The following PPP6R3 variants were observed in gnomAD, a reference collection of about 807,000 sequenced individuals.
PPP6R3 encodes the protein protein phosphatase 6 regulatory subunit 3, also known as serine/threonine-protein phosphatase 6 regulatory subunit 3.
PPP6R3 carries 38 observed loss-of-function variants against 110.7 expected under a neutral mutation model. The ratio of observed to expected loss-of-function variants is 0.34; its 90% CI spans 0.26 to 0.45. PPP6R3 has a LOEUF of 0.45. Among genes scored for constraint, PPP6R3 ranks in the 20% least tolerant of loss-of-function variants. The pLI, the probability that PPP6R3 is intolerant of heterozygous loss-of-function variation, is 1.00. For missense variants in PPP6R3, 870 were observed against 1,062.4 expected (o/e 0.82, Z 2.52); for synonymous variants, 369 against 373.5 (o/e 0.99, Z 0.14).
At chr11:68,521,876 C>T (rs2099165917) in intron 2 of PPP6R3, among the ~76,000 whole-genome samples, 1 of 152,168 alleles carries the variant, frequency 6.6e-6, no homozygotes, top group Admixed American at 6.5e-5. Flanking sequence ...GATAATATTT[C>T]ACCTAATTGG....
chr11:68,533,861 G>A (rs1164897671), intron 2 of PPP6R3, among the ~76,000 whole-genome samples: 1 of 152,078 alleles, frequency 6.6e-6, no homozygotes, highest in African/African-American at 2.4e-5. Flanking sequence ...TCATCAGTTA[G>A]GCCACGCTGC....
At chr11:68,467,531 A>G (rs2098757009) in intron 1 of PPP6R3, among the ~76,000 whole-genome samples, 1 of 152,202 alleles carries the variant, frequency 6.6e-6, no homozygotes, top group African/African-American at 2.4e-5. Context: ...TCTGAACAAA[A>G]ATTCTGGTGG....
chr11:68,489,909 T>A (rs1277808541), intron 1 of PPP6R3, among the ~76,000 whole-genome samples: 1 of 152,194 alleles, frequency 6.6e-6, no homozygotes, highest in East Asian at 1.9e-4. Flanking sequence ...CCTTCCTGTC[T>A]CATTGTTGCC....
At chr11:68,513,284 T>A (rs1453685790) in intron 1 of PPP6R3, among the ~76,000 whole-genome samples, 1 of 152,158 alleles carries the variant, frequency 6.6e-6, no homozygotes, top group Non-Finnish European at 1.5e-5. Context: ...TCTGTCTTGC[T>A]GGAGAAGCTT....
At chr11:68,587,188 C>CCT (rs1309793059) in intron 15 of PPP6R3, 2 of 145,656 alleles carry the variant, frequency 1.4e-5, no homozygotes, top group African/African-American at 5.0e-5. Flanking sequence ...CCCCCCCCCC[C>CCT]ACATTTTCAA....
At chr11:68,574,086 A>T in intron 12 of PPP6R3, 23 bp from the exon 13 acceptor site, 2 of 1,533,058 alleles carry the variant, frequency 1.3e-6, no homozygotes, top group Non-Finnish European at 1.8e-6. Context: ...GAATCTGAGT[A>T]TTTGTCCTTT....
chr11:68,613,739 T>G lies in PPP6R3; in HGVS notation c.*622T>G, dbSNP rs1393268127. 2.1e-6 allele frequency: 2 copies of G among 964,516 alleles called. No individual in the cohort carries two copies. The highest frequency in any genetic ancestry group is 2.4e-6 in the Non-Finnish European group (2 of 821,590). 59.7% of individuals were successfully genotyped at this position (964,516 alleles called of 1,614,324 possible). A position where few individuals can be genotyped will look rare whatever the true frequency, so the allele number is the denominator to read the frequency against. ...AAAACGGATCAAAAATGTAAGTCTA[T>G]TGGTAGAGATTAAGTAAAGTATTTA... On this transcript the variant is annotated 3_prime_UTR_variant, in exon 24 of 24. Transcript: ENST00000393800.
chr11:68,590,262 A>G (rs1042700652), intron 16 of PPP6R3, among the ~76,000 whole-genome samples: 3 of 152,240 alleles, frequency 2.0e-5, no homozygotes, highest in Admixed American at 6.5e-5. Flanking sequence ...GAGTTTGACT[A>G]TCCCTGGAGA....
intron 1 of PPP6R3, among the ~76,000 whole-genome samples, chr11:68,489,671 T>A (rs1258061584): frequency 6.6e-6 from 1 of 152,044 alleles, no homozygotes; most frequent in East Asian, 1.9e-4. Flanking sequence ...TTCATTAGCA[T>A]TTTTTTATTG....
At chr11:68,533,668 G>T (rs1376767372) in intron 2 of PPP6R3, among the ~76,000 whole-genome samples, 1 of 125,084 alleles carries the variant, frequency 8.0e-6, no homozygotes, top group Non-Finnish European at 1.6e-5. Flanking sequence ...TCATGCCACT[G>T]CACACCAGCC....
At chr11:68,509,242 A>G (rs2099095145) in intron 1 of PPP6R3, among the ~76,000 whole-genome samples, 1 of 152,078 alleles carries the variant, frequency 6.6e-6, no homozygotes, top group Non-Finnish European at 1.5e-5. Flanking sequence ...TTCCACCCTC[A>G]TCTGTTTGTG....
At chr11:68,576,593 G>A (rs2153808129) in intron 14 of PPP6R3, among the ~76,000 whole-genome samples, 1 of 151,376 alleles carries the variant, frequency 6.6e-6, no homozygotes, top group Admixed American at 6.6e-5. Context: ...AATTATATTG[G>A]ACTTTGGAAT....
intron 22 of PPP6R3, among the ~76,000 whole-genome samples, chr11:68,608,941 G>T (rs1237913983): frequency 3.9e-5 from 6 of 152,146 alleles, no homozygotes; most frequent in Non-Finnish European, 7.4e-5. Context: ...TAAATCATAT[G>T]ATTTTAACTC....
chr11:68,526,238 T>C (rs1302997953), intron 2 of PPP6R3, among the ~76,000 whole-genome samples: 2 of 152,022 alleles, frequency 1.3e-5, no homozygotes, highest in East Asian at 1.9e-4. Context: ...ATTTACTGAT[T>C]TTACTTTGAC....
chr11:68,560,581 A>G (rs2099415216), intron 8 of PPP6R3, among the ~76,000 whole-genome samples: 1 of 152,260 alleles, frequency 6.6e-6, no homozygotes, highest in Non-Finnish European at 1.5e-5. Context: ...TTTAACAAAG[A>G]AAACTCCTGG....
intron 1 of PPP6R3, among the ~76,000 whole-genome samples, chr11:68,489,544 CTGTGTGTTTGTGTGTG>C (rs938464266): frequency 1.6e-5 from 1 of 63,312 alleles, no homozygotes; most frequent in Non-Finnish European, 2.9e-5. Flanking sequence ...TTTGCAGATA[CTGTGTGTTTGTGTGTG>C]TGTGTGTGTG....
intron 1 of PPP6R3, among the ~76,000 whole-genome samples, chr11:68,493,744 A>G (rs995589547): frequency 2.0e-5 from 3 of 151,686 alleles, no homozygotes; most frequent in East Asian, 3.9e-4. Context: ...GGCGTGAGCC[A>G]CTGCACCTGG....
intron 10 of PPP6R3, among the ~76,000 whole-genome samples, chr11:68,568,853 C>T (rs1372780836): frequency 1.3e-5 from 2 of 152,116 alleles, no homozygotes; most frequent in South Asian, 2.1e-4. Flanking sequence ...CAAGCTCCGC[C>T]TCCTGGGTTC....
intron 1 of PPP6R3, among the ~76,000 whole-genome samples, chr11:68,509,087 G>T (rs1408158923): frequency 6.6e-6 from 1 of 152,188 alleles, no homozygotes; most frequent in Non-Finnish European, 1.5e-5. Context: ...GCAGCTCCCA[G>T]TGTTTCAGAG....
Sources: allele counts gnomAD v4.1 joint callset (sites outside exome capture counted in the v4.1 genomes callset), GRCh38; gene constraint gnomAD v4.1.1; transcripts MANE v1.5; gene names NCBI Gene and HGNC (gene_info 2026-07-23, HGNC 2026-07-21).